Variants in THADA observed in about 807,000 individuals in gnomAD.
The protein encoded by THADA is THADA armadillo repeat containing.
In THADA, 213 loss-of-function variants were observed where a neutral mutation model predicts 219.8. The observed-to-expected ratio is 0.97, with a 90% CI of 0.87 to 1.09. The LOEUF (loss-of-function observed/expected upper bound fraction) is 1.09, where lower values mean the gene tolerates loss of function less well. Among genes scored for constraint, THADA ranks in the 50% least tolerant of loss-of-function variants. The pLI is 0.00. For missense variants in THADA, 2,956 were observed against 2,311.3 expected (o/e 1.28, Z -5.72); for synonymous variants, 1,018 against 828.9 (o/e 1.23, Z -3.92).
intron 29 of THADA, among the ~76,000 whole-genome samples, chr2:43,392,889 G>A (rs141543968): frequency 3.9e-5 from 6 of 152,236 alleles, no homozygotes; most frequent in Admixed American, 3.3e-4. Flanking sequence ...CCTAGGACAG[G>A]GTAAGCAAGC....
intron 29 of THADA, among the ~76,000 whole-genome samples, chr2:43,390,880 C>A (rs1673291662): frequency 6.6e-6 from 1 of 152,188 alleles, no homozygotes; most frequent in African/African-American, 2.4e-5. Flanking sequence ...TTACCCACAA[C>A]CCGAAGGCCC....
chr2:43,530,914 G>A (rs942280081), intron 21 of THADA, among the ~76,000 whole-genome samples: 2 of 152,176 alleles, frequency 1.3e-5, no homozygotes, highest in Non-Finnish European at 2.9e-5. Flanking sequence ...TGAGATATAG[G>A]CAGTTTTTCC....
intron 29 of THADA, among the ~76,000 whole-genome samples, chr2:43,372,886 T>C (rs1188212687): frequency 4.6e-5 from 7 of 152,168 alleles, no homozygotes. Flanking sequence ...GTATCTTTAG[T>C]AGAGACGAGG....
intron 21 of THADA, among the ~76,000 whole-genome samples, chr2:43,536,256 G>C (rs2103784469): frequency 6.6e-6 from 1 of 152,226 alleles, no homozygotes; most frequent in East Asian, 1.9e-4. Flanking sequence ...AAATCAGTTG[G>C]CGGTAGATAC....
At chr2:43,344,792 C>T (rs929651377) in intron 29 of THADA, among the ~76,000 whole-genome samples, 1 of 150,752 alleles carries the variant, frequency 6.6e-6, no homozygotes. Context: ...GCAGATCTTC[C>T]CTTCGATGTC....
intron 29 of THADA, among the ~76,000 whole-genome samples, chr2:43,375,969 C>A (rs913590220): frequency 9.2e-5 from 14 of 152,118 alleles, no homozygotes; most frequent in African/African-American, 3.4e-4. Flanking sequence ...GAAACACCAC[C>A]CACCTGCAAG....
intron 9 of THADA, among the ~76,000 whole-genome samples, chr2:43,577,803 G>A (rs1700016110): frequency 6.6e-6 from 1 of 151,936 alleles, no homozygotes; most frequent in African/African-American, 2.4e-5. Flanking sequence ...TAAAGCACAT[G>A]ATTTGGGTTA....
At chr2:43,310,222 T>TTG (rs1366706553) in intron 31 of THADA, among the ~76,000 whole-genome samples, 1 of 64,498 alleles carries the variant, frequency 1.6e-5, no homozygotes, top group Non-Finnish European at 3.0e-5. Context: ...TCCCTCCCTT[T>TTG]CCCGCCCCCC....
intron 26 of THADA, among the ~76,000 whole-genome samples, chr2:43,458,807 A>C (rs1185328965): frequency 6.6e-6 from 1 of 152,196 alleles, no homozygotes; most frequent in Non-Finnish European, 1.5e-5. Flanking sequence ...GAGATTCCTA[A>C]AGGGGGATGT....
At chr2:43,487,393 T>C (rs889870194) in intron 25 of THADA, among the ~76,000 whole-genome samples, 62 of 152,322 alleles carry the variant, frequency 4.1e-4, no homozygotes, top group Middle Eastern at 3.4e-3. Context: ...CCTGGAGATG[T>C]TGAGAAATGC....
At chr2:43,580,115 C>G (rs1420106201) in intron 8 of THADA, among the ~76,000 whole-genome samples, 2 of 148,260 alleles carry the variant, frequency 1.3e-5, no homozygotes, top group African/African-American at 5.0e-5. Context: ...ACCTCTGTCT[C>G]CCGGGTTCAA....
chr2:43,507,511 T>TC lies in THADA; in HGVS notation c.3507+1136_3507+1137insG, dbSNP rs1444571670. On this transcript the variant is annotated intron_variant, in intron 23 of 37. Transcript: ENST00000405975. ...CAGAATGGGTCAGATCAAATAAAAG[T>TC]TGATTTCTGAAGGTCACCAAAATCC... is the stretch of plus-strand genomic sequence containing the variant. Among the ~76,000 whole-genome samples, 10 of 152,278 alleles carry TC rather than the reference T, an allele frequency of 6.6e-5. No homozygotes were observed. In the East Asian group the frequency reaches 1.9e-3, roughly 29 times the overall value.
chr2:43,285,314 T>C (rs893270924), intron 35 of THADA, among the ~76,000 whole-genome samples: 2 of 152,214 alleles, frequency 1.3e-5, no homozygotes, highest in African/African-American at 4.8e-5. Context: ...TTGGATCATG[T>C]AGGCAGATTT....
At chr2:43,405,742 T>C (rs748990520) in intron 28 of THADA, among the ~76,000 whole-genome samples, 16 of 152,224 alleles carry the variant, frequency 1.1e-4, no homozygotes, top group Non-Finnish European at 1.9e-4. Flanking sequence ...CTGTAGACAG[T>C]AGCTAAGCTA....
chr2:43,273,503 C>T lies in THADA; in HGVS notation c.5296+6262G>A, dbSNP rs555626051. Among the ~76,000 whole-genome samples, 3 of 152,146 alleles carry T rather than the reference C, an allele frequency of 2.0e-5. No homozygotes were observed. The South Asian group carries it at 6.2e-4, about 32-fold the overall frequency. ...GAAAGGGCACTTTGAAGGCGATATA[C>T]CTGAGTCGATTAGGAAAGAGCCTAC... is the stretch of plus-strand genomic sequence containing the variant. On this transcript the variant is annotated intron_variant, in intron 36 of 37. Coordinates refer to ENST00000405975, the MANE Select transcript of THADA (RefSeq NM_022065.5).
At position 43,293,281 on chromosome 2, in the gene THADA, A is replaced by T. The variant is rs896754834; in HGVS notation, c.4439-68T>A. 7.2e-6 allele frequency: 11 copies of T among 1,521,858 alleles called. No individual in the cohort carries two copies. In the African/African-American group the frequency reaches 1.5e-4, roughly 21 times the overall value. The allele number at this position is 1,521,858 out of a possible 1,614,324, so 94.3% of individuals were successfully genotyped here. A position where few individuals can be genotyped will look rare whatever the true frequency, so the allele number is the denominator to read the frequency against. On this transcript the variant is annotated intron_variant, in intron 31 of 37. Transcript: ENST00000405975. ...AAATTTCCACAAAAGGACATGAAAG[A>T]ATGAAGACTGAATCCACTGCGTGAG...
chr2:43,581,966 C>A, intron 7 of THADA, 38 bp from the exon 8 acceptor site: 3 of 1,423,114 alleles, frequency 2.1e-6, no homozygotes, highest in South Asian at 1.5e-5. Context: ...AAAGGAAATT[C>A]AAACAAAAGT....
chr2:43,568,796 A>G (rs1172609172), intron 14 of THADA, among the ~76,000 whole-genome samples: 1 of 152,162 alleles, frequency 6.6e-6, no homozygotes, highest in Non-Finnish European at 1.5e-5. Flanking sequence ...TAATCCCAGC[A>G]CTTTGGGAGG....
intron 26 of THADA, among the ~76,000 whole-genome samples, chr2:43,477,929 C>T (rs943395839): frequency 1.3e-5 from 2 of 152,210 alleles, no homozygotes; most frequent in African/African-American, 4.8e-5. Flanking sequence ...ACACCCTCTT[C>T]TCTACCTATT....
Sources: allele counts gnomAD v4.1 joint callset (sites outside exome capture counted in the v4.1 genomes callset), GRCh38; gene constraint gnomAD v4.1.1; transcripts MANE v1.5; gene names NCBI Gene and HGNC (gene_info 2026-07-23, HGNC 2026-07-21).